The following LMO7 variants were observed in gnomAD, a reference collection of about 807,000 sequenced individuals.
The protein encoded by LMO7 is LIM domain only protein 7.
LMO7 carries 120 observed loss-of-function variants against 206.5 expected under a neutral mutation model. The observed-to-expected ratio is 0.58, with a 90% CI of 0.50 to 0.68. The LOEUF (loss-of-function observed/expected upper bound fraction) is 0.68. Ranked by LOEUF, LMO7 falls within the 30% of genes least tolerant of loss-of-function variation. The pLI is 0.00. For synonymous variants in LMO7, 706 were observed against 681.5 expected (o/e 1.04, Z -0.56); for missense variants, 1,959 against 1,957.9 (o/e 1.00, Z -0.01).
intron 1 of LMO7, among the ~76,000 whole-genome samples, chr13:75,679,427 G>GA (rs1390610067): frequency 1.3e-5 from 2 of 152,136 alleles, no homozygotes; most frequent in Non-Finnish European, 2.9e-5. Flanking sequence ...AGACTCAGAT[G>GA]AAAAAATGGC....
chr13:75,830,224 G>A (rs2058528394), intron 15 of LMO7, among the ~76,000 whole-genome samples: 1 of 152,132 alleles, frequency 6.6e-6, no homozygotes, highest in South Asian at 2.1e-4. Context: ...CTTGCAAGAA[G>A]TTTCAGGAAT....
At chr13:75,622,131 T>C (rs982139208) in intron 1 of LMO7, 8 of 229,708 alleles carry the variant, frequency 3.5e-5, no homozygotes, top group Admixed American at 1.7e-4. Flanking sequence ...TGAGATACTA[T>C]GATACAGGCA....
At chr13:75,645,001 G>A (rs533992487) in intron 1 of LMO7, among the ~76,000 whole-genome samples, 2 of 152,206 alleles carry the variant, frequency 1.3e-5, no homozygotes, top group Admixed American at 1.3e-4. Context: ...GATTGTTAAT[G>A]TTCAATAAAC....
At chr13:75,820,758 G>A (rs1053341512) in intron 13 of LMO7, among the ~76,000 whole-genome samples, 6 of 152,128 alleles carry the variant, frequency 3.9e-5, no homozygotes, top group Non-Finnish European at 7.3e-5. Flanking sequence ...ACTTTGGGAG[G>A]CCAAGGTGGG....
chr13:75,823,538 A>C (rs1157756230), intron 14 of LMO7, 27 bp from the exon 15 acceptor site: 1 of 1,519,144 alleles, frequency 6.6e-7, no homozygotes, highest in East Asian at 2.3e-5. Context: ...CAGAATATCA[A>C]GTTTAAAATG....
chr13:75,642,789 A>G (rs114158931), intron 1 of LMO7, among the ~76,000 whole-genome samples: 1,711 of 152,236 alleles, frequency 0.011, 29 homozygotes, highest in African/African-American at 0.039. Context: ...CAAATTAGAA[A>G]TTGTTATTTG....
intron 24 of LMO7, among the ~76,000 whole-genome samples, chr13:75,842,305 T>G (rs9593133): frequency 0.27 from 41,029 of 151,914 alleles, 6,559 homozygotes; most frequent in South Asian, 0.37. Flanking sequence ...CTCCTGTTTC[T>G]TCCTTGAAAA....
chr13:75,705,582 CTATT>C (rs1256451443), intron 1 of LMO7, among the ~76,000 whole-genome samples: 4 of 152,154 alleles, frequency 2.6e-5, no homozygotes, highest in Non-Finnish European at 4.4e-5. Flanking sequence ...CATGTGGTCT[CTATT>C]TATGTGGTTC....
intron 2 of LMO7, among the ~76,000 whole-genome samples, chr13:75,626,511 C>G (rs1167934054): frequency 6.7e-6 from 1 of 148,368 alleles, no homozygotes; most frequent in East Asian, 2.0e-4. Context: ...CTGGGAGATA[C>G]AATTGAAATT....
intron 1 of LMO7, among the ~76,000 whole-genome samples, chr13:75,671,754 T>C (rs540984485): frequency 3.9e-4 from 60 of 152,330 alleles, no homozygotes; most frequent in African/African-American, 1.4e-3. Context: ...AAAGACATTT[T>C]GGATCCTGCC....
chr13:75,666,909 C>A (rs2139332090), intron 1 of LMO7, among the ~76,000 whole-genome samples: 1 of 152,188 alleles, frequency 6.6e-6, no homozygotes, highest in Admixed American at 6.5e-5. Context: ...CAAGTTGCTA[C>A]TTGTTGGGAG....
chr13:75,760,634 T>C, intron 3 of LMO7: 2 of 1,461,250 alleles, frequency 1.4e-6, no homozygotes, highest in Non-Finnish European at 1.8e-6. Context: ...TGTAGATTAC[T>C]GCTCAGTGGC....
chr13:75,833,044 T>C lies in LMO7; in HGVS notation c.2950-7T>C. On this transcript the variant is annotated splice_polypyrimidine_tract_variant and splice_region_variant and intron_variant, in intron 15 of 30. Transcript: ENST00000377534. ...CCGGATACCAGCGTTTCATGTTTTG[T>C]TTTCAGGATCAGTTCAGTGATATGA... is the stretch of plus-strand genomic sequence containing the variant. 6.4e-7 allele frequency: 1 copy of C among 1,553,364 alleles called. No homozygotes were observed. Among genetic ancestry groups the C allele is most frequent in the South Asian group, 1.1e-5 (1 of 89,674 alleles).
chr13:75,836,936 GA>G (rs1248677715), intron 19 of LMO7, among the ~76,000 whole-genome samples: 1 of 152,164 alleles, frequency 6.6e-6, no homozygotes, highest in Non-Finnish European at 1.5e-5. Flanking sequence ...AATATCTAGG[GA>G]AATTTTGGAG....
rs140498988 is a variant in LMO7, at chr13:75,804,508, C to G, written c.881C>G (p.Pro294Arg). Residue 294 changes from proline (P) to arginine (R), a missense_variant, in exon 8 of 31, where the codon CCG becomes CGG. Pro to Arg is a moderately radical substitution (Grantham distance 103, BLOSUM62 -2). Transcript: ENST00000377534. The part of the protein sequence containing the change: ...HEDNRRSWAS[P>R]VYTEADGTFS... Reference sequence around the variant, plus strand: ...GATAACAGAAGAAGTTGGGCAAGCCCGGTTTATACAGAAGCAGATGGAACA... The same window carrying G: ...GATAACAGAAGAAGTTGGGCAAGCCGGGTTTATACAGAAGCAGATGGAACA... 3 of 1,613,860 alleles carry G rather than the reference C, an allele frequency of 1.9e-6. No homozygotes were observed. The South Asian group carries it at 3.3e-5, about 18-fold the overall frequency.
Position 75,742,643 on chromosome 13 carries a change from A to C in LMO7, c.210+15545A>C, listed in dbSNP as rs139905262. Among the ~76,000 whole-genome samples, 358 of 152,356 alleles carry C rather than the reference A, an allele frequency of 2.3e-3. 1 individual carries two copies. The highest frequency in any genetic ancestry group is 6.3e-3 in the Admixed American group (97 of 15,302). On this transcript the variant is annotated intron_variant, in intron 3 of 30. Coordinates refer to ENST00000377534, the MANE Select transcript of LMO7 (RefSeq NM_001306080.2). Reference sequence around the variant, plus strand: ...GAGGAAAGGACTCCCTATTCAATAAATAGTGCTGGTATAACTGGCTAGCCA... The same window carrying C: ...GAGGAAAGGACTCCCTATTCAATAACTAGTGCTGGTATAACTGGCTAGCCA...
chr13:75,743,573 A>G (rs984842619), intron 3 of LMO7, among the ~76,000 whole-genome samples: 1 of 152,224 alleles, frequency 6.6e-6, no homozygotes, highest in African/African-American at 2.4e-5. Flanking sequence ...GCTGGAGGCC[A>G]TTATCCTTAG....
At chr13:75,621,851 G>A (rs1201898862) in exon 1 of LMO7, 2 of 1,598,550 alleles carry the variant, frequency 1.3e-6, no homozygotes, top group Non-Finnish European at 1.7e-6. Context: ...CTCAGGGACA[G>A]AGTCTGCAGC....
chr13:75,644,869 C>A (rs1001600741), intron 1 of LMO7, among the ~76,000 whole-genome samples: 1 of 152,278 alleles, frequency 6.6e-6, no homozygotes, highest in Non-Finnish European at 1.5e-5. Context: ...TGGCTTCAAG[C>A]GATCCTCCCA....
Sources: allele counts gnomAD v4.1 joint callset (sites outside exome capture counted in the v4.1 genomes callset), GRCh38; gene constraint gnomAD v4.1.1; transcripts MANE v1.5; gene names NCBI Gene and HGNC (gene_info 2026-07-23, HGNC 2026-07-21).